Variants in ALKBH4 observed in about 807,000 individuals in gnomAD.
The protein encoded by ALKBH4 is alpha-ketoglutarate-dependent dioxygenase alkB homolog 4.
A neutral mutation model predicts 12.1 loss-of-function variants in ALKBH4; 8 were observed. The observed-to-expected ratio is 0.66, with a 90% CI of 0.39 to 1.19. The LOEUF is 1.19. Ranked by LOEUF, ALKBH4 falls within the 50% of genes most tolerant of loss-of-function variation. ALKBH4 has a pLI of 0.01. For synonymous variants in ALKBH4, 195 were observed against 191.6 expected, an observed-to-expected ratio of 1.02 and a Z score of -0.15; for missense variants, 403 against 430.4, an observed-to-expected ratio of 0.94 and a Z score of 0.56.
chr7:102,460,552 C>G (rs1172259838), intron 1 of ALKBH4, among the ~76,000 whole-genome samples: 2 of 152,198 alleles, frequency 1.3e-5, no homozygotes, highest in African/African-American at 4.8e-5. Flanking sequence ...GGTTTCCTTT[C>G]TCACTTTCCT....
chr7:102,462,312 G>C (rs899613139), intron 1 of ALKBH4, among the ~76,000 whole-genome samples: 4 of 152,146 alleles, frequency 2.6e-5, no homozygotes, highest in African/African-American at 9.7e-5. Flanking sequence ...CATCGGGTTG[G>C]GAAGATGTCA....
rs1797686018 is a variant in ALKBH4, at chr7:102,457,681, A to C, written c.622T>G (p.Ser208Ala). 1.3e-6 allele frequency: 2 copies of C among 1,557,980 alleles called. No homozygotes were observed. Among genetic ancestry groups the C allele is most frequent in the Non-Finnish European group, 1.7e-6 (2 of 1,157,294 alleles). ...TCCACCAAGGCCTCCGGGGCAGCCG[A>C]CGGGGCCGAGCAGAGGAGCAGGCTC... is the stretch of plus-strand genomic sequence containing the variant. ...PGSLLLCSAP[S>A]AAPEALVDSV... Residue 208 changes from serine to alanine, a missense_variant, in exon 3 of 3, where the codon TCG becomes GCG. Coordinates refer to ENST00000292566, the MANE Select transcript of ALKBH4 (RefSeq NM_017621.4). The surrounding 1 kb of genome is among the most constrained non-coding windows in gnomAD (Gnocchi z 5.9).
In ALKBH4 at chr7:102,457,503, C is replaced by CA; in HGVS notation, c.799dup (p.Cys267LeufsTer10). On this transcript the variant is annotated frameshift_variant, in exon 3 of 3. Coordinates refer to ENST00000292566, the MANE Select transcript of ALKBH4 (RefSeq NM_017621.4). LOFTEE classifies it low-confidence loss of function (END_TRUNC). This position sits in a 1 kb window ranked among gnomAD's most constrained non-coding sequence, Gnocchi z 5.9. ...AGCCGACAGCTCCCGGAAAGTGACGCAGACGCGGCGGGCCTCGATGTGTCT... is the reference window on the plus strand; with the variant it reads ...AGCCGACAGCTCCCGGAAAGTGACGCAAGACGCGGCGGGCCTCGATGTGTCT... 1 of 1,613,460 alleles carries CA rather than the reference C, an allele frequency of 6.2e-7. No homozygotes were observed. Among genetic ancestry groups the CA allele is most frequent in the Non-Finnish European group, 8.5e-7 (1 of 1,180,036 alleles).
At chr7:102,460,788 G>C (rs918865362) in intron 1 of ALKBH4, among the ~76,000 whole-genome samples, 5 of 152,102 alleles carry the variant, frequency 3.3e-5, no homozygotes, top group African/African-American at 1.2e-4. Flanking sequence ...GGGTTGGCCC[G>C]TGCCTATCAC....
chr7:102,462,570 GTT>G (rs1453643417), intron 1 of ALKBH4, among the ~76,000 whole-genome samples: 1 of 152,066 alleles, frequency 6.6e-6, no homozygotes, highest in African/African-American at 2.4e-5. Context: ...GTCTTGCTAT[GTT>G]GTCCAAGCTG....
intron 1 of ALKBH4, among the ~76,000 whole-genome samples, chr7:102,460,111 A>G (rs1345576662): frequency 5.9e-5 from 9 of 151,278 alleles, no homozygotes; most frequent in Non-Finnish European, 1.2e-4. Context: ...CCAAGATGGC[A>G]CCACTGCACT....
intron 1 of ALKBH4, 126 bp downstream of exon 1, chr7:102,464,588 G>GCATCAC (rs1379942937): frequency 9.0e-6 from 12 of 1,340,122 alleles, no homozygotes; most frequent in South Asian, 3.4e-5. Context: ...TCCTCACCCT[G>GCATCAC]CATCACCCCT....
At chr7:102,460,510 C>T (rs144447380) in intron 1 of ALKBH4, among the ~76,000 whole-genome samples, 2 of 152,270 alleles carry the variant, frequency 1.3e-5, no homozygotes, top group East Asian at 1.9e-4. Context: ...GGGGAAGGCC[C>T]GCAGCCCTCT....
At chr7:102,460,388 C>T (rs1348810417) in intron 1 of ALKBH4, among the ~76,000 whole-genome samples, 1 of 151,468 alleles carries the variant, frequency 6.6e-6, no homozygotes, top group Non-Finnish European at 1.5e-5. Flanking sequence ...GCCCCTGGCA[C>T]TTGTGTGCCC....
At position 102,459,676 on chromosome 7, in the gene ALKBH4, C is replaced by T. The variant is rs771277934; in HGVS notation, c.249G>A (p.Glu83=). ...VMLIEDFVTR[E]EEAELVRLMD... ...TGAGCCGCACCAACTCGGCTTCTTCCTCCCGGGTCACAAAGTCCTCGATCA... is the reference window on the plus strand; with the variant it reads ...TGAGCCGCACCAACTCGGCTTCTTCTTCCCGGGTCACAAAGTCCTCGATCA... The change falls in exon 2 of 3, where the codon GAG becomes GAA. Residue 83 remains glutamate (E), a synonymous_variant. Coordinates refer to ENST00000292566, the MANE Select transcript of ALKBH4 (RefSeq NM_017621.4). 5.6e-6 allele frequency: 9 copies of T among 1,614,220 alleles called. No individual in the cohort carries two copies. The highest frequency in any genetic ancestry group is 7.6e-6 in the Non-Finnish European group (9 of 1,180,022).
chr7:102,463,267 G>A (rs1274708907), intron 1 of ALKBH4, among the ~76,000 whole-genome samples: 1 of 148,290 alleles, frequency 6.7e-6, no homozygotes, highest in Non-Finnish European at 1.5e-5. Flanking sequence ...TCCTTTTTAA[G>A]GCTGAATAGT....
rs755472789 is a variant in ALKBH4, at chr7:102,464,806, C to T, written c.31G>A (p.Val11Ile). 6 of 1,551,980 alleles carry T rather than the reference C, an allele frequency of 3.9e-6. No homozygotes were observed. The highest frequency in any genetic ancestry group is 5.2e-6 in the Non-Finnish European group (6 of 1,154,656). Residue 11 changes from valine to isoleucine, a missense_variant, in exon 1 of 3, where the codon GTC (valine) becomes ATC (isoleucine). Val to Ile is a conservative substitution (Grantham distance 29, BLOSUM62 3). Transcript: ENST00000292566. MAAAAAETPE[V>I]LRECGCKGIR... ...CCCTTGCAACCGCATTCCCGAAGGA[C>T]TTCGGGGGTCTCGGCGGCAGCCGCC... is the stretch of plus-strand genomic sequence containing the variant.
intron 1 of ALKBH4, 50 bp downstream of exon 1, chr7:102,464,664 C>G (rs755761979): frequency 8.8e-6 from 13 of 1,482,220 alleles, no homozygotes; most frequent in Non-Finnish European, 9.0e-6. Flanking sequence ...CCTCAGTTTC[C>G]CCAGATGCAG....
Position 102,458,131 on chromosome 7 carries a change from G to C in ALKBH4, c.322-150C>G, listed in dbSNP as rs1314238587. Reference sequence around the variant, plus strand: ...TGAAGCAGGAGGAGGCAGACTCAAGGAGACAGAAGTGACAGCAAATGGCCG... The same window carrying C: ...TGAAGCAGGAGGAGGCAGACTCAAGCAGACAGAAGTGACAGCAAATGGCCG... On this transcript the variant is annotated intron_variant, in intron 2 of 2. Coordinates refer to ENST00000292566, the MANE Select transcript of ALKBH4 (RefSeq NM_017621.4). 3.9e-6 allele frequency: 3 copies of C among 763,398 alleles called. No homozygotes were observed. The East Asian group carries it at 8.2e-5, about 21-fold the overall frequency. The allele number at this position is 763,398 out of a possible 1,614,324, so 47.3% of individuals were successfully genotyped here. A position where few individuals can be genotyped will look rare whatever the true frequency, so the allele number is the denominator to read the frequency against.
In ALKBH4 at chr7:102,458,024, C is replaced by T. The variant is rs371396940; in HGVS notation, c.322-43G>A. The T allele has an allele frequency of 1.8e-5, 28 of 1,532,196 alleles. No homozygotes were observed. The Admixed American group carries it at 2.4e-4, about 13-fold the overall frequency. The allele number at this position is 1,532,196 out of a possible 1,614,324, so 94.9% of individuals were successfully genotyped here. A position where few individuals can be genotyped will look rare whatever the true frequency, so the allele number is the denominator to read the frequency against. On this transcript the variant is annotated intron_variant, in intron 2 of 2. Transcript: ENST00000292566. ...AGAGGACATGAGGTGTCTGAGTTTACGAAGATGTCTACCACAGACTAGGTG... is the reference window on the plus strand; with the variant it reads ...AGAGGACATGAGGTGTCTGAGTTTATGAAGATGTCTACCACAGACTAGGTG...
chr7:102,464,042 C>G (rs1586733523), intron 1 of ALKBH4, among the ~76,000 whole-genome samples: 1 of 151,926 alleles, frequency 6.6e-6, no homozygotes, highest in Non-Finnish European at 1.5e-5. Flanking sequence ...CAGACCTCCC[C>G]CCCCCCACAA....
At position 102,464,697 on chromosome 7, in the gene ALKBH4, C is replaced by G; in HGVS notation, c.123+17G>C. 1 of 1,504,030 alleles carries G rather than the reference C, an allele frequency of 6.6e-7. No homozygotes were observed. Among genetic ancestry groups the G allele is most frequent in the African/African-American group, 1.5e-5 (1 of 68,368 alleles). The allele number at this position is 1,504,030 out of a possible 1,614,324, so 93.2% of individuals were successfully genotyped here. ...CAGAGCGACGTTTGTGGGCGCGGCC[C>G]CTCTCCCACCCCTTACCGCTGGGGG... On this transcript the variant is annotated intron_variant, in intron 1 of 2. Coordinates refer to ENST00000292566, the MANE Select transcript of ALKBH4 (RefSeq NM_017621.4).
chr7:102,456,462 C>T lies in ALKBH4; in HGVS notation c.*932G>A, dbSNP rs2133248012. ...GAGATGGGGGTCTCACTATGTTGCC[C>T]AGGCTGGCCTCAAGCAATCCTCCCA... is the stretch of plus-strand genomic sequence containing the variant. On this transcript the variant is annotated 3_prime_UTR_variant, in exon 3 of 3. Transcript: ENST00000292566. The T allele has an allele frequency of 6.6e-6, 1 of 152,272 alleles. No individual in the cohort carries two copies. Among genetic ancestry groups the T allele is most frequent in the African/African-American group, 2.4e-5 (1 of 41,524 alleles). 9.4% of individuals were successfully genotyped at this position (152,272 alleles called of 1,614,324 possible). A position where few individuals can be genotyped will look rare whatever the true frequency, so the allele number is the denominator to read the frequency against.
intron 2 of ALKBH4, among the ~76,000 whole-genome samples, chr7:102,459,033 C>T (rs1176584808): frequency 6.6e-6 from 1 of 151,458 alleles, no homozygotes; most frequent in African/African-American, 2.4e-5. Context: ...GTAGTCCCAG[C>T]TACTTGGGAG....
Sources: gnomAD v4.1 joint callset for allele counts (sites outside exome capture counted in the v4.1 genomes callset) on GRCh38, gnomAD v4.1.1 for gene constraint, Gnocchi (gnomAD v3.1) non-coding constraint, MANE v1.5 for transcripts, NCBI Gene and HGNC (gene_info 2026-07-23, HGNC 2026-07-21) for gene names.